The following PHKA2 variants were observed in gnomAD, a reference collection of about 807,000 sequenced individuals.
PHKA2 encodes phosphorylase b kinase regulatory subunit alpha, liver isoform.
PHKA2 carries 31 observed loss-of-function variants against 102.0 expected under a neutral mutation model. The ratio of observed to expected loss-of-function variants is 0.30; its 90% confidence interval spans 0.23 to 0.41. The LOEUF (loss-of-function observed/expected upper bound fraction) is 0.41, where lower values mean the gene tolerates loss of function less well. Among genes scored for constraint, PHKA2 ranks in the 10% least tolerant of loss-of-function variants. The probability of loss-of-function intolerance (pLI) is 1.00; values close to 1 mark genes in which losing one functional copy is unlikely to be tolerated. For synonymous variants in PHKA2, 455 were observed against 416.2 expected, an observed-to-expected ratio of 1.09 and a Z score of -1.13; for missense variants, 858 against 1,023.1, an observed-to-expected ratio of 0.84 and a Z score of 2.20.
intron 13 of PHKA2, 56 bp from the exon 14 acceptor site, chrX:18,926,643 G>A: frequency 3.6e-6 from 4 of 1,113,759 alleles, no homozygotes; most frequent in East Asian, 3.0e-5. Flanking sequence ...TCTTCACATG[G>A]ACACGTGTTC....
At chrX:18,954,727 G>T (rs988125495) in intron 1 of PHKA2, among the ~76,000 whole-genome samples, 1 of 112,790 alleles carries the variant, frequency 8.9e-6, no homozygotes, top group African/African-American at 3.2e-5. Flanking sequence ...CAGCAAACAG[G>T]AAAAGACTGC....
chrX:18,977,925 G>A (rs1009385644), intron 1 of PHKA2, among the ~76,000 whole-genome samples: 1 of 112,206 alleles, frequency 8.9e-6, no homozygotes, highest in Non-Finnish European at 1.9e-5. Flanking sequence ...ACTTTGGGAG[G>A]CCGAGGCGGG....
intron 12 of PHKA2, among the ~76,000 whole-genome samples, chrX:18,930,505 G>A (rs978746016): frequency 9.0e-6 from 1 of 110,797 alleles, no homozygotes; most frequent in African/African-American, 3.3e-5. Flanking sequence ...CAGGGGAGGG[G>A]AGTTACTCGT....
At chrX:18,969,161 A>G (rs917922802) in intron 1 of PHKA2, among the ~76,000 whole-genome samples, 1 of 111,657 alleles carries the variant, frequency 9.0e-6, no homozygotes, top group Non-Finnish European at 1.9e-5. Flanking sequence ...TTCAATTCAA[A>G]GTTTAAATTT....
rs745748081 is a variant in PHKA2 at position 18,901,968 on chromosome X, G to A, written c.2909-365C>T. Among the ~76,000 whole-genome samples, 8 of 108,143 alleles carry A rather than the reference G, an allele frequency of 7.4e-5. No homozygotes were observed. In the Admixed American group the frequency reaches 7.9e-4, roughly 11 times the overall value. The allele number at this position is 108,143 out of a possible 115,157, so 93.9% of individuals were successfully genotyped here. Reference sequence around the variant, plus strand: ...AGACATTCTCCTGCCTCAGCCTCCCGAGTAACTGGGATTACATGCGCCCGC... The same window carrying A: ...AGACATTCTCCTGCCTCAGCCTCCCAAGTAACTGGGATTACATGCGCCCGC... On this transcript the variant is annotated intron_variant, in intron 26 of 32. Coordinates refer to ENST00000379942, the MANE Select transcript of PHKA2 (RefSeq NM_000292.3).
chrX:18,982,913 C>A (rs1322706376), intron 1 of PHKA2, among the ~76,000 whole-genome samples: 1 of 112,290 alleles, frequency 8.9e-6, no homozygotes, highest in African/African-American at 3.2e-5. Flanking sequence ...TACTGCACTA[C>A]GATCATTTAT....
Position 18,900,518 on chromosome X carries a change from CCTCGAGTCCTGCT to C in PHKA2, c.3057+139_3057+151del, listed in dbSNP as rs1327643747. On this transcript the variant is annotated intron_variant, in intron 28 of 32. Coordinates refer to ENST00000379942, the MANE Select transcript of PHKA2 (RefSeq NM_000292.3). ...CATGGGGCAAGGTCGTCTCTCCTGC[CCTCGAGTCCTGCT>C]CTCTGCCTGTGCCCCAGCCCGTTTG... 3 of 538,007 alleles carry C rather than the reference CCTCGAGTCCTGCT, an allele frequency of 5.6e-6. No homozygotes were observed. The Admixed American group carries it at 7.6e-5, about 14-fold the overall frequency. 44.3% of individuals were successfully genotyped at this position (538,007 alleles called of 1,213,427 possible). A position where few individuals can be genotyped will look rare whatever the true frequency, so the allele number is the denominator to read the frequency against.
intron 19 of PHKA2, among the ~76,000 whole-genome samples, chrX:18,911,551 C>T (rs1943020410): frequency 1.8e-5 from 2 of 111,704 alleles, no homozygotes; most frequent in Non-Finnish European, 3.8e-5. Context: ...TCAGGTGATA[C>T]AGCCGTCTCA....
rs139068783 is a variant in PHKA2 at position 18,970,691 on chromosome X, A to G, written c.78+13164T>C. On this transcript the variant is annotated intron_variant, in intron 1 of 32. Transcript: ENST00000379942. The stretch of plus-strand genomic sequence containing the variant: ...ATATGGGCCTCCTGGGTCATAGAGC[A>G]TGCATTGCTTCAGTTTCACCATCTC... 6.2e-3 allele frequency among the ~76,000 whole-genome samples: 696 copies of G among 112,260 alleles called. 5 individuals carry two copies. The highest frequency in any genetic ancestry group is 0.021 in the African/African-American group (663 of 30,901).
At chrX:18,901,311 G>A (rs754707091) in intron 27 of PHKA2, among the ~76,000 whole-genome samples, 174 bp downstream of exon 27, 40 of 110,888 alleles carry the variant, frequency 3.6e-4, no homozygotes, top group African/African-American at 1.2e-3. Flanking sequence ...GCGCATGACC[G>A]GCTCTGGAAT....
intron 13 of PHKA2, among the ~76,000 whole-genome samples, chrX:18,928,047 C>A (rs1346289217): frequency 8.9e-6 from 1 of 112,062 alleles, no homozygotes; most frequent in Non-Finnish European, 1.9e-5. Context: ...TCAAAGTGTC[C>A]CAGCCTGCAG....
chrX:18,895,023 A>C, intron 31 of PHKA2, 115 bp downstream of exon 31: 1 of 723,353 alleles, frequency 1.4e-6, no homozygotes, highest in South Asian at 2.1e-5. Flanking sequence ...CAGAGCTACA[A>C]ATGGCCTGTC....
chrX:18,937,585 G>A (rs749216808), intron 10 of PHKA2, among the ~76,000 whole-genome samples: 1 of 111,419 alleles, frequency 9.0e-6, no homozygotes, highest in Non-Finnish European at 1.9e-5. Flanking sequence ...GGGCAATTGG[G>A]GAAGAAAAGA....
chrX:18,971,034 G>T (rs767782610), intron 1 of PHKA2, among the ~76,000 whole-genome samples: 3 of 112,749 alleles, frequency 2.7e-5, no homozygotes, highest in African/African-American at 9.6e-5. Flanking sequence ...AAGATGGTAA[G>T]GCCACTGGTA....
intron 26 of PHKA2, 86 bp from the exon 27 acceptor site, chrX:18,901,689 A>G (rs753962095): frequency 8.1e-6 from 5 of 619,582 alleles, no homozygotes; most frequent in Non-Finnish European, 1.4e-5. Context: ...CCCCCACTTG[A>G]CAATGAGGGC....
intron 26 of PHKA2, 132 bp from the exon 27 acceptor site, chrX:18,901,735 G>C: frequency 1.9e-6 from 1 of 528,846 alleles, no homozygotes; most frequent in Admixed American, 2.5e-5. Context: ...CTCCAGCACC[G>C]AGAGCAGCAC....
At chrX:18,908,235 A>G (rs1748265721) in intron 21 of PHKA2, among the ~76,000 whole-genome samples, 179 bp from the exon 22 acceptor site, 1 of 112,492 alleles carries the variant, frequency 8.9e-6, no homozygotes, top group African/African-American at 3.2e-5. Context: ...TAACATCAGG[A>G]CGTGGTGGCC....
At position 18,906,872 on chromosome X, in the gene PHKA2, G is replaced by C. The variant is rs565809543; in HGVS notation, c.2598-58C>G. On this transcript the variant is annotated intron_variant, in intron 23 of 32. Transcript: ENST00000379942. ...AGGTGTCTTGAGACAGTGCCTCCTCGCCCTCCATGGAACACCCTTATTTTC... is the reference window on the plus strand; with the variant it reads ...AGGTGTCTTGAGACAGTGCCTCCTCCCCCTCCATGGAACACCCTTATTTTC... 15 of 1,053,774 alleles carry C rather than the reference G, an allele frequency of 1.4e-5. No individual in the cohort carries two copies. The East Asian group carries it at 4.5e-4, about 32-fold the overall frequency. The allele number at this position is 1,053,774 out of a possible 1,213,427, so 86.8% of individuals were successfully genotyped here. A position where few individuals can be genotyped will look rare whatever the true frequency, so the allele number is the denominator to read the frequency against.
rs1051096199 is a variant in PHKA2, at chrX:18,894,351, G to A, written c.3390C>T (p.Arg1130=). 92 of 1,210,160 alleles carry A rather than the reference G, an allele frequency of 7.6e-5. No individual in the cohort carries two copies. Among genetic ancestry groups the A allele is most frequent in the Non-Finnish European group, 1.0e-4 (90 of 895,095 alleles). The change falls in exon 32 of 33, where the codon CGC becomes CGT. Residue 1130 remains arginine (R), a synonymous_variant. Coordinates refer to ENST00000379942, the MANE Select transcript of PHKA2 (RefSeq NM_000292.3). Reference sequence around the variant, plus strand: ...GCTGCCGGTACTCGGGCTGCGGCACGCGGTTCAGCACCGATTCGACATGGA... The same window carrying A: ...GCTGCCGGTACTCGGGCTGCGGCACACGGTTCAGCACCGATTCGACATGGA... ...FAVHVESVLN[R]VPQPEYRQLL...
Sources: allele counts gnomAD v4.1 joint callset (sites outside exome capture counted in the v4.1 genomes callset), GRCh38; gene constraint gnomAD v4.1.1; transcripts MANE v1.5; gene names NCBI Gene and HGNC (gene_info 2026-07-23, HGNC 2026-07-21).